TRIM66: variants seen among roughly 807,000 people sequenced by gnomAD.
TRIM66 encodes tripartite motif-containing protein 66.
In TRIM66, 99 loss-of-function variants were observed where a neutral mutation model predicts 148.2. That is an observed-to-expected ratio of 0.67 (90% CI 0.57 to 0.79). TRIM66 has a LOEUF of 0.79. Ranked by LOEUF, TRIM66 falls within the 30% of genes least tolerant of loss-of-function variation. The probability of loss-of-function intolerance (pLI) is 0.00; values close to 1 mark genes in which losing one functional copy is unlikely to be tolerated. For missense variants in TRIM66, 1,666 were observed against 1,697.9 expected (o/e 0.98, Z 0.33); for synonymous variants, 616 against 635.9 (o/e 0.97, Z 0.47).
intron 6 of TRIM66, among the ~76,000 whole-genome samples, chr11:8,660,078 C>T (rs2038144033): frequency 6.6e-6 from 1 of 152,106 alleles, no homozygotes; most frequent in Admixed American, 6.5e-5. Flanking sequence ...CAGGGCCTTA[C>T]TATGTTGCCC....
intron 17 of TRIM66, among the ~76,000 whole-genome samples, chr11:8,623,850 GA>G (rs1223785492): frequency 7.9e-5 from 12 of 152,170 alleles, no homozygotes; most frequent in African/African-American, 2.4e-4. Context: ...CTACTCAGAG[GA>G]AGTTATCAAA....
chr11:8,652,674 C>T (rs2037461619), intron 6 of TRIM66, among the ~76,000 whole-genome samples: 1 of 152,136 alleles, frequency 6.6e-6, no homozygotes, highest in African/African-American at 2.4e-5. Context: ...TCTGCCGGCC[C>T]ACCGCAAGGG....
intron 1 of TRIM66, among the ~76,000 whole-genome samples, chr11:8,681,283 A>G (rs940022291): frequency 2.8e-4 from 42 of 151,888 alleles, no homozygotes; most frequent in South Asian, 2.1e-4. Context: ...ACAGGCGCCC[A>G]CCACCACGCC....
chr11:8,624,344 C>G lies in TRIM66; in HGVS notation c.3019+15G>C. The G allele has an allele frequency of 6.5e-7, 1 of 1,548,284 alleles. No homozygotes were observed. On this transcript the variant is annotated intron_variant, in intron 17 of 24. Coordinates refer to ENST00000646038, the MANE Select transcript of TRIM66 (RefSeq NM_001388022.1). The stretch of plus-strand genomic sequence containing the variant: ...GTCTGTGGCCAACATGAAGGGCAGG[C>G]TGCTTGAGTCTCACCTTTTGGGTTC...
At chr11:8,670,018 T>G (rs1349778702) in intron 6 of TRIM66, among the ~76,000 whole-genome samples, 13 of 108,494 alleles carry the variant, frequency 1.2e-4, no homozygotes, top group African/African-American at 4.0e-4. Flanking sequence ...TTTTTATTTA[T>G]TTTTTTTTTT....
intron 6 of TRIM66, among the ~76,000 whole-genome samples, chr11:8,665,617 A>AC (rs2038538405): frequency 6.6e-6 from 1 of 152,130 alleles, no homozygotes; most frequent in Non-Finnish European, 1.5e-5. Flanking sequence ...AGACACACAA[A>AC]CCAACAAATA....
chr11:8,646,546 C>T lies in TRIM66; in HGVS notation c.858G>A (p.Lys286=), dbSNP rs749431017. 9 of 1,551,788 alleles carry T rather than the reference C, an allele frequency of 5.8e-6. No homozygotes were observed. Among genetic ancestry groups the T allele is most frequent in the Non-Finnish European group, 7.8e-6 (9 of 1,146,946 alleles). ...GGTTTTCCACCTTCCTATGCTGATG[C>T]TTCACTTCAAAAATCCTGTAAACAC... ...KQIEDRIFEV[K]HQHRKVENQI... The change falls in exon 11 of 25, where the codon AAG becomes AAA. Residue 286 remains lysine, a synonymous_variant. Transcript: ENST00000646038.
intron 6 of TRIM66, among the ~76,000 whole-genome samples, chr11:8,656,344 A>ATTTCTATTATTTCTAT (rs2037829395): frequency 2.6e-5 from 4 of 152,056 alleles, no homozygotes; most frequent in Admixed American, 2.6e-4. Context: ...TTTCTATTTT[A>ATTTCTATTATTTCTAT]TTCAGTTAAT....
intron 3 of TRIM66, among the ~76,000 whole-genome samples, chr11:8,675,199 C>T (rs980000881): frequency 1.3e-5 from 2 of 152,166 alleles, no homozygotes; most frequent in African/African-American, 2.4e-5. Flanking sequence ...AGAATCACCT[C>T]GAATCTCATC....
chr11:8,651,423 G>C (rs1023342638), intron 7 of TRIM66, among the ~76,000 whole-genome samples: 1 of 152,034 alleles, frequency 6.6e-6, no homozygotes, highest in Non-Finnish European at 1.5e-5. Flanking sequence ...GCTGGTACAT[G>C]AATTTCAACT....
chr11:8,624,300 G>A (rs1352305872), intron 17 of TRIM66, 59 bp downstream of exon 17: 14 of 1,520,316 alleles, frequency 9.2e-6, no homozygotes, highest in Non-Finnish European at 1.2e-5. Context: ...ACCTAGAAGT[G>A]CTGAGTCCAT....
chr11:8,681,307 G>T (rs1275168443), intron 1 of TRIM66, among the ~76,000 whole-genome samples: 1 of 151,942 alleles, frequency 6.6e-6, no homozygotes, highest in East Asian at 1.9e-4. Context: ...CTAATTTTTT[G>T]TATTTTTAGT....
Position 8,640,550 on chromosome 11 carries a change from G to A in TRIM66, c.1825C>T (p.Leu609Phe). 1.3e-6 allele frequency: 2 copies of A among 1,543,838 alleles called. No individual in the cohort carries two copies. The highest frequency in any genetic ancestry group is 2.5e-5 in the East Asian group (1 of 40,780). ...GGAAGGGGAGGTGGGGGATGGGGGA[G>A]GGGTGGTGGTGGAGGTGGTAGCTGC... ...QQQLPPPPPP[L>F]PHPPPPLPPP... The change falls in exon 14 of 25, where the codon CTC (leucine) becomes TTC (phenylalanine). Residue 609 changes from leucine to phenylalanine, a missense_variant. This residue lies in a region of TRIM66 where 1,431 missense variants were observed against 1,412.4 expected (regional missense o/e 1.01). Coordinates refer to ENST00000646038, the MANE Select transcript of TRIM66 (RefSeq NM_001388022.1).
upstream of TRIM66, chr11:8,682,826 T>A (rs1565589278): frequency 6.2e-7 from 1 of 1,611,934 alleles, no homozygotes; most frequent in South Asian, 1.1e-5. Context: ...GGTAGGTGTT[T>A]CGTTTCTTGC....
At chr11:8,666,885 C>T (rs1357894174) in intron 6 of TRIM66, among the ~76,000 whole-genome samples, 1 of 152,234 alleles carries the variant, frequency 6.6e-6, no homozygotes, top group Admixed American at 6.5e-5. Flanking sequence ...TCTCAGCTCA[C>T]TGCAACCTCC....
At chr11:8,661,051 G>T (rs557628011) in intron 6 of TRIM66, among the ~76,000 whole-genome samples, 1 of 152,124 alleles carries the variant, frequency 6.6e-6, no homozygotes, top group Admixed American at 6.5e-5. Flanking sequence ...GTGTAGTCCC[G>T]GAGTCAGAGG....
chr11:8,624,908 G>A lies in TRIM66; in HGVS notation c.2631C>T (p.His877=). Residue 877 remains histidine (H), a synonymous_variant, in exon 16 of 25, where the codon CAC becomes CAT. Transcript: ENST00000646038. ...ACATTAGGCTGGGCCCAGCCTGAGG[G>A]TGATCACTTGCCAGGCTTGCCATAG... ...PQAMASLASD[H]PQAGPSLMSG... 6.4e-7 allele frequency: 1 copy of A among 1,551,678 alleles called. No individual in the cohort carries two copies. The highest frequency in any genetic ancestry group is 2.4e-5 in the East Asian group (1 of 40,894).
chr11:8,641,742 C>T (rs988460028), intron 13 of TRIM66, among the ~76,000 whole-genome samples: 4 of 152,080 alleles, frequency 2.6e-5, no homozygotes, highest in African/African-American at 4.8e-5. Flanking sequence ...GTGACTGGAT[C>T]GTGGGGGCGG....
intron 6 of TRIM66, among the ~76,000 whole-genome samples, chr11:8,661,505 A>G (rs1365177191): frequency 6.6e-6 from 1 of 152,218 alleles, no homozygotes; most frequent in Non-Finnish European, 1.5e-5. Context: ...CACTCCATGC[A>G]AAACCACTGA....
Sources: allele counts gnomAD v4.1 joint callset (sites outside exome capture counted in the v4.1 genomes callset), GRCh38; gene constraint gnomAD v4.1.1; regional missense constraint gnomAD v4.1.1; transcripts MANE v1.5; gene names NCBI Gene and HGNC (gene_info 2026-07-23, HGNC 2026-07-21).